CSNK1G3: variants seen among roughly 807,000 people sequenced by gnomAD.
CSNK1G3 encodes the protein casein kinase I isoform gamma-3.
Under a neutral mutation model 64.3 loss-of-function variants are expected in CSNK1G3, and 23 were observed. The observed-to-expected ratio is 0.36, with a 90% CI of 0.26 to 0.51. CSNK1G3 has a LOEUF of 0.51. Among genes scored for constraint, CSNK1G3 ranks in the 20% least tolerant of loss-of-function variants. The probability of loss-of-function intolerance (pLI) is 0.96; values close to 1 mark genes in which losing one functional copy is unlikely to be tolerated. For synonymous variants in CSNK1G3, 158 were observed against 162.2 expected (o/e 0.97, Z 0.20); for missense variants, 357 against 510.5 (o/e 0.70, Z 2.90).
chr5:123,565,379 A>T (rs553696685), intron 4 of CSNK1G3, among the ~76,000 whole-genome samples: 8 of 152,342 alleles, frequency 5.3e-5, no homozygotes, highest in African/African-American at 1.9e-4. Context: ...ATCTAGGAGT[A>T]TAAGCATTTG....
At chr5:123,614,210 T>C in intron 12 of CSNK1G3, 132 bp from the exon 14 acceptor site, 1 of 707,704 alleles carries the variant, frequency 1.4e-6, no homozygotes, top group Non-Finnish European at 2.3e-6. Context: ...ATACGTATGC[T>C]TCATTGGTGT....
intron 1 of CSNK1G3, among the ~76,000 whole-genome samples, chr5:123,535,314 A>T (rs186594004): frequency 6.6e-6 from 1 of 152,218 alleles, no homozygotes; most frequent in Admixed American, 6.5e-5. Flanking sequence ...GTTATAAAAT[A>T]TTATTATTCT....
Position 123,599,638 on chromosome 5 carries a change from A to G in CSNK1G3, c.1087-5086A>G, listed in dbSNP as rs80333810. 2.4e-3 allele frequency among the ~76,000 whole-genome samples: 365 copies of G among 152,328 alleles called. 4 individuals are homozygous for G. In the South Asian group the frequency reaches 0.026, roughly 11 times the overall value. ...ACATTTCTAATACTAGTTTCAGTCT[A>G]CAAAATATTTGAAAATGCAGTTATT... On this transcript the variant is annotated intron_variant, in intron 10 of 12. Coordinates refer to ENST00000345990, the Ensembl canonical transcript of CSNK1G3.
At chr5:123,611,202 C>G (rs1796272766) in intron 12 of CSNK1G3, among the ~76,000 whole-genome samples, 1 of 152,112 alleles carries the variant, frequency 6.6e-6, no homozygotes, top group South Asian at 2.1e-4. Context: ...GTTAAAACAT[C>G]AATTTACTTC....
chr5:123,615,678 C>T (rs930978375), exon 13 of CSNK1G3: 5 of 152,212 alleles, frequency 3.3e-5, no homozygotes, highest in Non-Finnish European at 7.4e-5. Context: ...GCCATAAAGA[C>T]ACACATGTAG....
At chr5:123,605,501 A>G (rs1795211046) in intron 12 of CSNK1G3, 139 bp downstream of exon 13, 1 of 906,866 alleles carries the variant, frequency 1.1e-6, no homozygotes. Flanking sequence ...AGTATTTGAT[A>G]TCATTAAGAT....
At chr5:123,589,062 C>G (rs557638119) in intron 8 of CSNK1G3, among the ~76,000 whole-genome samples, 2 of 152,160 alleles carry the variant, frequency 1.3e-5, no homozygotes, top group South Asian at 4.2e-4. Flanking sequence ...AAGATTTCTA[C>G]ATCAATTAAG....
chr5:123,615,062 C>CTCCGCTT (rs1409074386), exon 13 of CSNK1G3: 2 of 152,714 alleles, frequency 1.3e-5, no homozygotes, highest in East Asian at 3.9e-4. Context: ...TAAATATGTG[C>CTCCGCTT]TCCGCTTTTG....
intron 4 of CSNK1G3, among the ~76,000 whole-genome samples, chr5:123,563,834 A>G (rs1043828366): frequency 3.3e-5 from 5 of 152,094 alleles, no homozygotes; most frequent in African/African-American, 1.2e-4. Flanking sequence ...AAGTGAATAA[A>G]TACTTAGACT....
rs376050537 is a variant in CSNK1G3 at position 123,590,368 on chromosome 5, T to G, written c.845-45T>G. On this transcript the variant is annotated intron_variant, in intron 8 of 12. Coordinates refer to ENST00000345990, the Ensembl canonical transcript of CSNK1G3. ...GATACTTAATTTTATTACTGAGTAT[T>G]AAAGAAAAGTATAGTCCAAATAATT... 9 of 1,049,946 alleles carry G rather than the reference T, an allele frequency of 8.6e-6. No homozygotes were observed. The African/African-American group carries it at 1.0e-4, about 12-fold the overall frequency. The allele number at this position is 1,049,946 out of a possible 1,614,324, so 65.0% of individuals were successfully genotyped here. A position where few individuals can be genotyped will look rare whatever the true frequency, so the allele number is the denominator to read the frequency against.
intron 4 of CSNK1G3, among the ~76,000 whole-genome samples, chr5:123,568,708 T>C (rs1010244057): frequency 6.6e-6 from 1 of 152,196 alleles, no homozygotes; most frequent in African/African-American, 2.4e-5. Context: ...TCTTGTCTCC[T>C]TTGTAAAACT....
At chr5:123,605,610 A>G (rs1051347260) in intron 12 of CSNK1G3, among the ~76,000 whole-genome samples, 3 of 152,134 alleles carry the variant, frequency 2.0e-5, no homozygotes, top group Non-Finnish European at 4.4e-5. Context: ...TTTTAATTGC[A>G]TAGATGATAC....
chr5:123,566,567 A>G (rs540154392), intron 4 of CSNK1G3, among the ~76,000 whole-genome samples: 2 of 151,980 alleles, frequency 1.3e-5, no homozygotes, highest in South Asian at 2.1e-4. Flanking sequence ...CTAACCTACC[A>G]TTTACGTTGC....
chr5:123,559,691 TA>T (rs1435265510), intron 4 of CSNK1G3, among the ~76,000 whole-genome samples: 1 of 142,518 alleles, frequency 7.0e-6, no homozygotes, highest in African/African-American at 2.7e-5. Context: ...AATTTGGGCA[TA>T]TTTTTTGTGG....
intron 9 of CSNK1G3, 34 bp from the exon 10 acceptor site, chr5:123,591,285 G>T: frequency 7.7e-7 from 1 of 1,290,366 alleles, no homozygotes; most frequent in Non-Finnish European, 1.1e-6. Flanking sequence ...TTTTAAAATG[G>T]AATGTATTGA....
At chr5:123,583,157 A>T (rs1790635410) in intron 6 of CSNK1G3, among the ~76,000 whole-genome samples, 1 of 152,178 alleles carries the variant, frequency 6.6e-6, no homozygotes. Flanking sequence ...TCCTCTCCAT[A>T]ACAGAGCGTC....
At chr5:123,573,233 G>A (rs553372303) in intron 4 of CSNK1G3, among the ~76,000 whole-genome samples, 160 bp from the exon 5 acceptor site, 8 of 152,300 alleles carry the variant, frequency 5.3e-5, no homozygotes, top group Admixed American at 6.5e-5. Flanking sequence ...AGAAGGTATT[G>A]GGAGGTTGGG....
intron 4 of CSNK1G3, among the ~76,000 whole-genome samples, chr5:123,566,955 C>T (rs780719019): frequency 2.6e-5 from 4 of 152,048 alleles, no homozygotes; most frequent in East Asian, 1.9e-4. Context: ...TGTATTCGTC[C>T]GTTTTCTTGC....
intron 10 of CSNK1G3, among the ~76,000 whole-genome samples, chr5:123,596,259 TAA>T (rs1241541931): frequency 6.6e-6 from 1 of 152,114 alleles, no homozygotes; most frequent in Non-Finnish European, 1.5e-5. Context: ...AGTAGATCTA[TAA>T]AAGTCTAGGG....
Sources: gnomAD v4.1 joint callset for allele counts (sites outside exome capture counted in the v4.1 genomes callset) on GRCh38, gnomAD v4.1.1 for gene constraint, MANE v1.5 for transcripts, NCBI Gene and HGNC (gene_info 2026-07-23, HGNC 2026-07-21) for gene names.